Variants in RNF214 observed in about 807,000 individuals in gnomAD.
The protein encoded by RNF214 is ring finger protein 214.
A neutral mutation model predicts 75.9 loss-of-function variants in RNF214; 25 were observed. The ratio of observed to expected loss-of-function variants is 0.33; its 90% CI spans 0.24 to 0.46. The LOEUF is 0.46. Ranked by LOEUF, RNF214 falls within the 20% of genes least tolerant of loss-of-function variation. The pLI, the probability that RNF214 is intolerant of heterozygous loss-of-function variation, is 1.00. For missense variants in RNF214, 725 were observed against 857.5 expected (o/e 0.85, Z 1.93); for synonymous variants, 314 against 308.8 (o/e 1.02, Z -0.18).
chr11:117,280,224 A>T lies in RNF214; in HGVS notation c.1110A>T (p.Ala370=). The T allele has an allele frequency of 6.2e-7, 1 of 1,613,770 alleles. No homozygotes were observed. The highest frequency in any genetic ancestry group is 8.5e-7 in the Non-Finnish European group (1 of 1,179,626). Residue 370 remains alanine, a synonymous_variant, in exon 8 of 15, where the codon GCA becomes GCT. Coordinates refer to ENST00000300650, the MANE Select transcript of RNF214 (RefSeq NM_207343.4). ...KELLVLKLEE[A]EKEAELHLTY... ...TACTGGTACTGAAACTAGAAGAAGC[A>T]GAAAAAGAGGCAGAATTGCACCTTA...
Position 117,282,439 on chromosome 11 carries a change from C to T in RNF214, c.1748C>T (p.Thr583Ile), listed in dbSNP as rs769510610. ...QMTNILQQIK[T>I]ARTTMAGLTM... is the part of the protein sequence containing the mutation. Reference sequence around the variant, plus strand: ...ACCAACATTCTTCAGCAGATCAAGACAGCACGTACCACCATGGCAGGCCTG... The same window carrying T: ...ACCAACATTCTTCAGCAGATCAAGATAGCACGTACCACCATGGCAGGCCTG... Residue 583 changes from threonine (T) to isoleucine (I), a missense_variant, in exon 12 of 15, where the codon ACA (threonine) becomes ATA (isoleucine). Thr to Ile is a moderately conservative substitution (Grantham distance 89). Around this residue, in one of 2 missense-constraint regions of RNF214, gnomAD observed 363 missense variants for 513.0 expected, o/e 0.71. Coordinates refer to ENST00000300650, the MANE Select transcript of RNF214 (RefSeq NM_207343.4). 1.9e-6 allele frequency: 3 copies of T among 1,614,194 alleles called. No individual in the cohort carries two copies. Among genetic ancestry groups the T allele is most frequent in the South Asian group, 2.2e-5 (2 of 91,084 alleles).
At chr11:117,241,533 T>C (rs1011601607) in intron 4 of RNF214, among the ~76,000 whole-genome samples, 2 of 151,496 alleles carry the variant, frequency 1.3e-5, no homozygotes, top group Admixed American at 6.6e-5. Context: ...TAAGCTGAGA[T>C]TGCACCACTG....
At chr11:117,274,500 T>C (rs2033974059) in intron 6 of RNF214, among the ~76,000 whole-genome samples, 1 of 148,010 alleles carries the variant, frequency 6.8e-6, no homozygotes, top group Non-Finnish European at 1.5e-5. Flanking sequence ...GTAGCTGGGA[T>C]TACAGGTGCC....
rs568483501 is a variant in RNF214 at position 117,248,110 on chromosome 11, C to A, written c.959+1162C>A. Among the ~76,000 whole-genome samples the A allele has an allele frequency of 3.9e-5, 6 of 152,184 alleles. No homozygotes were observed. The South Asian group carries it at 1.2e-3, about 32-fold the overall frequency. ...TCTTTTTTTGAGACGGAGTCTTGCT[C>A]TGTTCCCCAGGCTGGAGTGCAGTGG... is the stretch of plus-strand genomic sequence containing the variant. On this transcript the variant is annotated intron_variant, in intron 6 of 14. Transcript: ENST00000300650.
intron 2 of RNF214, among the ~76,000 whole-genome samples, chr11:117,237,394 A>G (rs960502257): frequency 6.6e-5 from 10 of 152,196 alleles, no homozygotes; most frequent in African/African-American, 2.4e-4. Flanking sequence ...ATATTCTTTC[A>G]GTTGTTTTAT....
Position 117,262,911 on chromosome 11 carries a change from A to G in RNF214, c.959+15963A>G, listed in dbSNP as rs1337992144. On this transcript the variant is annotated intron_variant, in intron 6 of 14. Transcript: ENST00000300650. ...TGCAGCTTCAACCCGGGTTCACACA[A>G]TTCTCCCACCTCAGCCTCGTGAGAA... Among the ~76,000 whole-genome samples the G allele has an allele frequency of 9.9e-5, 15 of 152,118 alleles. No individual in the cohort carries two copies. In the East Asian group the frequency reaches 1.2e-3, roughly 12 times the overall value.
intron 6 of RNF214, among the ~76,000 whole-genome samples, chr11:117,258,503 T>G (rs188443668): frequency 3.0e-4 from 45 of 152,294 alleles, no homozygotes; most frequent in Non-Finnish European, 1.2e-4. Context: ...CCTGAACATA[T>G]ATACATGTAC....
chr11:117,269,023 A>G (rs1035033775), intron 6 of RNF214, among the ~76,000 whole-genome samples: 7 of 152,350 alleles, frequency 4.6e-5, no homozygotes, highest in African/African-American at 1.4e-4. Context: ...TGATAACCCA[A>G]TAAAGTCCAG....
chr11:117,239,236 C>T, intron 3 of RNF214, 125 bp downstream of exon 3: 1 of 917,524 alleles, frequency 1.1e-6, no homozygotes, highest in Middle Eastern at 3.4e-4. Context: ...TTTTTGCTAG[C>T]AACCATCATA....
At chr11:117,250,486 A>G (rs1262950391) in intron 6 of RNF214, among the ~76,000 whole-genome samples, 1 of 151,148 alleles carries the variant, frequency 6.6e-6, no homozygotes, top group African/African-American at 2.4e-5. Context: ...TTCATAAGAG[A>G]TACTTGCTGA....
intron 6 of RNF214, among the ~76,000 whole-genome samples, chr11:117,279,094 C>G (rs2034074116): frequency 6.6e-6 from 1 of 152,050 alleles, no homozygotes; most frequent in Non-Finnish European, 1.5e-5. Context: ...AAGACCCTGT[C>G]TATAAAAAAC....
chr11:117,239,107 T>G lies in RNF214; in HGVS notation c.614T>G (p.Val205Gly). The G allele has an allele frequency of 6.2e-7, 1 of 1,605,554 alleles. No individual in the cohort carries two copies. Among genetic ancestry groups the G allele is most frequent in the Non-Finnish European group, 8.5e-7 (1 of 1,175,128 alleles). The change falls in exon 3 of 15, where the codon GTA (valine) becomes GGA (glycine). Residue 205 changes from valine (V) to glycine (G), a missense_variant. This residue lies in a region of RNF214 where 362 missense variants were observed against 344.5 expected (regional missense o/e 1.05). Coordinates refer to ENST00000300650, the MANE Select transcript of RNF214 (RefSeq NM_207343.4). ...CTGAAGCTTTCTCAGAACATTGCTGTACAGGTCAAGTGTCAAGTTTCTACT... is the reference window on the plus strand; with the variant it reads ...CTGAAGCTTTCTCAGAACATTGCTGGACAGGTCAAGTGTCAAGTTTCTACT... ...SSLKLSQNIA[V>G]QTDFKTADSE...
chr11:117,238,932 A>G lies in RNF214; in HGVS notation c.439A>G (p.Arg147Gly), dbSNP rs2134355963. 2 of 1,614,212 alleles carry G rather than the reference A, an allele frequency of 1.2e-6. No individual in the cohort carries two copies. The highest frequency in any genetic ancestry group is 1.7e-6 in the Non-Finnish European group (2 of 1,180,042). Residue 147 changes from arginine (R) to glycine (G), a missense_variant, in exon 3 of 15, where the codon AGG (arginine) becomes GGG (glycine). Coordinates refer to ENST00000300650, the MANE Select transcript of RNF214 (RefSeq NM_207343.4). ...GTGCCATACTAAGCAGCTTGCCTCC[A>G]GGAATTGCTCTGAAGAGAAATCCCC... ...AGCHTKQLAS[R>G]NCSEEKSPQT... is the part of the protein sequence containing the mutation.
intron 6 of RNF214, among the ~76,000 whole-genome samples, chr11:117,250,919 A>C (rs1175518651): frequency 1.4e-5 from 2 of 146,608 alleles, no homozygotes; most frequent in African/African-American, 5.1e-5. Context: ...TTCAGAGAGC[A>C]CAGGGTTGGG....
chr11:117,251,256 AC>A (rs1256443065), intron 6 of RNF214, among the ~76,000 whole-genome samples: 7 of 27,328 alleles, frequency 2.6e-4, no homozygotes, highest in Non-Finnish European at 5.9e-4. Flanking sequence ...GACCCCGCTG[AC>A]CCCCCCACCT....
chr11:117,272,568 A>G (rs1180103198), intron 6 of RNF214, among the ~76,000 whole-genome samples: 1 of 152,058 alleles, frequency 6.6e-6, no homozygotes, highest in Admixed American at 6.6e-5. Flanking sequence ...ACAAACCTAC[A>G]TATTCTGCAC....
chr11:117,274,122 T>G (rs1462704149), intron 6 of RNF214, among the ~76,000 whole-genome samples: 1 of 151,832 alleles, frequency 6.6e-6, no homozygotes, highest in Non-Finnish European at 1.5e-5. Flanking sequence ...TTTTCGTTTC[T>G]CCCCCCTCTT....
intron 2 of RNF214, among the ~76,000 whole-genome samples, chr11:117,236,189 GACCTCAAGTGATCTGT>G (rs1565326794): frequency 6.6e-6 from 1 of 151,954 alleles, no homozygotes; most frequent in Non-Finnish European, 1.5e-5. Flanking sequence ...TTGAACTCCT[GACCTCAAGTGATCTGT>G]CCGTCTTGGC....
intron 2 of RNF214, among the ~76,000 whole-genome samples, chr11:117,235,200 A>C (rs2032868664): frequency 1.3e-5 from 2 of 151,962 alleles, no homozygotes; most frequent in Non-Finnish European, 2.9e-5. Flanking sequence ...AATCTATTTC[A>C]CTTTTCTTTT....
Sources: gnomAD v4.1 joint callset for allele counts (sites outside exome capture counted in the v4.1 genomes callset) on GRCh38, gnomAD v4.1.1 for gene constraint, gnomAD v4.1.1 regional missense constraint, MANE v1.5 for transcripts, NCBI Gene and HGNC (gene_info 2026-07-23, HGNC 2026-07-21) for gene names.